The following ITIH2 variants were observed in gnomAD, a reference collection of about 807,000 sequenced individuals.
The protein encoded by ITIH2 is inter-alpha-trypsin inhibitor heavy chain 2.
Under a neutral mutation model 104.4 loss-of-function variants are expected in ITIH2, and 103 were observed. The ratio of observed to expected loss-of-function variants is 0.99; its 90% CI spans 0.84 to 1.16. ITIH2 has a LOEUF of 1.16. ITIH2 is among the 50% of genes most tolerant of loss of function. ITIH2 has a pLI of 0.00. For synonymous variants in ITIH2, 436 were observed against 435.4 expected (o/e 1.00, Z -0.02); for missense variants, 1,108 against 1,162.4 (o/e 0.95, Z 0.68).
At chr10:7,727,310 A>G (rs902793460) in intron 10 of ITIH2, among the ~76,000 whole-genome samples, 192 bp downstream of exon 10, 4 of 152,252 alleles carry the variant, frequency 2.6e-5, no homozygotes. Flanking sequence ...AGCCCACATA[A>G]GCTTTGAACC....
At chr10:7,742,092 C>T (rs1346699144) in intron 16 of ITIH2, among the ~76,000 whole-genome samples, 1 of 152,172 alleles carries the variant, frequency 6.6e-6, no homozygotes, top group African/African-American at 2.4e-5. Context: ...ATTATGTCTG[C>T]CCCTTGCACT....
At chr10:7,748,833 A>G (rs540762411) in intron 20 of ITIH2, among the ~76,000 whole-genome samples, 1 of 152,118 alleles carries the variant, frequency 6.6e-6, no homozygotes, top group East Asian at 1.9e-4. Context: ...GGCGTGAGCC[A>G]CCATGCCTGG....
chr10:7,713,783 C>G (rs1427061090), intron 5 of ITIH2, among the ~76,000 whole-genome samples: 1 of 152,090 alleles, frequency 6.6e-6, no homozygotes, highest in Non-Finnish European at 1.5e-5. Context: ...TCACGGCTCA[C>G]TACAACCTCG....
At chr10:7,721,814 C>T (rs1415762909) in intron 8 of ITIH2, 37 bp downstream of exon 8, 2 of 1,608,580 alleles carry the variant, frequency 1.2e-6, no homozygotes, top group Middle Eastern at 1.7e-4. Context: ...CTGCCAAGCT[C>T]GTGCCAAAGA....
intron 17 of ITIH2, among the ~76,000 whole-genome samples, 163 bp from the exon 18 acceptor site, chr10:7,743,919 T>A (rs1835150915): frequency 6.6e-6 from 1 of 152,134 alleles, no homozygotes; most frequent in South Asian, 2.1e-4. Flanking sequence ...ATTAACATGT[T>A]ATAAAATGAG....
chr10:7,731,398 A>T (rs1487340443), intron 12 of ITIH2, among the ~76,000 whole-genome samples: 1 of 152,172 alleles, frequency 6.6e-6, no homozygotes, highest in Non-Finnish European at 1.5e-5. Context: ...GTGTGAATAA[A>T]TTAAGAGGTA....
At position 7,748,521 on chromosome 10, in the gene ITIH2, CTTTTTTTTTTTTTTT is replaced by C. The variant is rs549517172; in HGVS notation, c.2694-643_2694-629del. Among the ~76,000 whole-genome samples the C allele has an allele frequency of 1.4e-3, 39 of 27,132 alleles. 1 individual carries two copies. Among genetic ancestry groups the C allele is most frequent in the East Asian group, 9.7e-3 (6 of 620 alleles). 17.8% of individuals were successfully genotyped at this position (27,132 alleles called of 152,430 possible). ...AGTTAAGAGGTGCCGCCAATGCATT[CTTTTTTTTTTTTTTT>C]TTTTTTTTTTTTTTTTTTTTTTAGT... On this transcript the variant is annotated intron_variant, in intron 20 of 20. Transcript: ENST00000358415.
chr10:7,737,665 T>TTC (rs1272801447), intron 15 of ITIH2, among the ~76,000 whole-genome samples: 1 of 30,822 alleles, frequency 3.2e-5, no homozygotes, highest in Non-Finnish European at 6.2e-5. Context: ...ATATTCTATA[T>TTC]TATATTCTAT....
intron 20 of ITIH2, among the ~76,000 whole-genome samples, chr10:7,748,672 G>C (rs1835204887): frequency 6.6e-6 from 1 of 151,144 alleles, no homozygotes; most frequent in Middle Eastern, 3.4e-3. Flanking sequence ...CTCCCAAGTA[G>C]CTGGGACTAC....
chr10:7,740,776 GGAT>G (rs918421804), intron 16 of ITIH2, among the ~76,000 whole-genome samples: 3 of 152,032 alleles, frequency 2.0e-5, no homozygotes, highest in African/African-American at 7.2e-5. Flanking sequence ...TCTAAAACGG[GGAT>G]GATAATACCC....
intron 9 of ITIH2, among the ~76,000 whole-genome samples, chr10:7,724,611 A>G (rs1467622410): frequency 1.3e-5 from 2 of 149,898 alleles, no homozygotes; most frequent in Admixed American, 1.3e-4. Flanking sequence ...ACGAAGACGA[A>G]GAAGAGGAAA....
intron 1 of ITIH2, among the ~76,000 whole-genome samples, chr10:7,704,576 C>A (rs145657008): frequency 3.7e-4 from 57 of 152,322 alleles, no homozygotes; most frequent in African/African-American, 1.4e-3. Context: ...TGATCTCTGT[C>A]TTACCACCTG....
chr10:7,709,932 C>A (rs1358938619), intron 4 of ITIH2, among the ~76,000 whole-genome samples: 2 of 152,104 alleles, frequency 1.3e-5, no homozygotes, highest in Non-Finnish European at 2.9e-5. Flanking sequence ...CGGCTCACTG[C>A]AAGCTCCGCC....
chr10:7,741,984 G>C (rs992111395), intron 16 of ITIH2, among the ~76,000 whole-genome samples: 1 of 152,070 alleles, frequency 6.6e-6, no homozygotes, highest in Admixed American at 6.6e-5. Flanking sequence ...CAGCCTTGCT[G>C]TTTGCCTGGG....
intron 15 of ITIH2, 60 bp downstream of exon 15, chr10:7,735,151 G>A (rs556324709): frequency 1.4e-5 from 21 of 1,484,258 alleles, no homozygotes; most frequent in East Asian, 1.2e-4. Context: ...GGGGGTGGGC[G>A]AAGTCCTAGT....
chr10:7,714,165 ATTTTTTTTTTTT>A (rs996413668), intron 5 of ITIH2, among the ~76,000 whole-genome samples: 2 of 84,044 alleles, frequency 2.4e-5, no homozygotes, highest in Non-Finnish European at 4.4e-5. Context: ...CACACTCACT[ATTTTTTTTTTTT>A]TTTTTTTTTT....
At chr10:7,707,767 GT>G (rs1425117191) in intron 3 of ITIH2, among the ~76,000 whole-genome samples, 6 of 152,118 alleles carry the variant, frequency 3.9e-5, no homozygotes, top group Non-Finnish European at 2.9e-5. Flanking sequence ...GTTTCACCAT[GT>G]TGGCCAGGCT....
intron 20 of ITIH2, among the ~76,000 whole-genome samples, chr10:7,748,212 A>C (rs1835197898): frequency 7.3e-6 from 1 of 137,478 alleles, no homozygotes; most frequent in Non-Finnish European, 1.5e-5. Flanking sequence ...ATGTATATAT[A>C]TTTATATATA....
At chr10:7,717,296 C>T (rs1834859484) in intron 5 of ITIH2, among the ~76,000 whole-genome samples, 1 of 152,190 alleles carries the variant, frequency 6.6e-6, no homozygotes, top group South Asian at 2.1e-4. Context: ...GTAATGATCT[C>T]CATATTGCAG....
Sources: allele counts gnomAD v4.1 joint callset (sites outside exome capture counted in the v4.1 genomes callset), GRCh38; gene constraint gnomAD v4.1.1; transcripts MANE v1.5; gene names NCBI Gene and HGNC (gene_info 2026-07-23, HGNC 2026-07-21).